MDGA2: variants seen among roughly 807,000 people sequenced by gnomAD.
The protein encoded by MDGA2 is MAM domain containing glycosylphosphatidylinositol anchor 2, also known as MAM domain-containing glycosylphosphatidylinositol anchor protein 2.
Under a neutral mutation model 117.8 loss-of-function variants are expected in MDGA2, and 40 were observed. The ratio of observed to expected loss-of-function variants is 0.34; its 90% CI spans 0.26 to 0.44. The LOEUF (loss-of-function observed/expected upper bound fraction) is 0.44. Ranked by LOEUF, MDGA2 falls within the 20% of genes least tolerant of loss-of-function variation. The pLI is 1.00. For missense variants in MDGA2, 1,123 were observed against 1,250.6 expected (o/e 0.90, Z 1.54); for synonymous variants, 452 against 439.0 (o/e 1.03, Z -0.37).
At chr14:46,969,400 C>T (rs552577793) in intron 8 of MDGA2, among the ~76,000 whole-genome samples, 88 of 152,208 alleles carry the variant, frequency 5.8e-4, no homozygotes, top group African/African-American at 2.0e-3. Context: ...TCCACATCCT[C>T]TCCAGCACCT....
chr14:47,195,445 T>C (rs1050805439), intron 3 of MDGA2, among the ~76,000 whole-genome samples: 1 of 151,840 alleles, frequency 6.6e-6, no homozygotes, highest in Non-Finnish European at 1.5e-5. Flanking sequence ...CAATGCAGGG[T>C]GTATTGGATG....
intron 1 of MDGA2, among the ~76,000 whole-genome samples, chr14:47,578,301 A>G (rs995956321): frequency 6.6e-6 from 1 of 152,128 alleles, no homozygotes; most frequent in Admixed American, 6.6e-5. Context: ...TAGCTAATGC[A>G]TGTGGGGCCT....
In MDGA2 at chr14:47,675,182, G is replaced by A. The variant is rs967221872; in HGVS notation, c.-386C>T. Among the ~76,000 whole-genome samples the A allele has an allele frequency of 2.0e-5, 3 of 152,112 alleles. No homozygotes were observed. The highest frequency in any genetic ancestry group is 1.3e-4 in the Admixed American group (2 of 15,276). ...GAAGGTCCCCGGAGGGGCGTCAAGC[G>A]GCGACAGCGGCCCGCCCGCCCGCAG... On this transcript the variant is annotated 5_prime_UTR_variant, in exon 1 of 17. Coordinates refer to ENST00000399232, the MANE Select transcript of MDGA2 (RefSeq NM_001113498.3).
chr14:47,509,574 C>A (rs1240281192), intron 1 of MDGA2, among the ~76,000 whole-genome samples: 1 of 152,154 alleles, frequency 6.6e-6, no homozygotes, highest in East Asian at 1.9e-4. Context: ...GGGACCTAGA[C>A]AGAGAGCCAC....
chr14:47,173,996 T>C (rs1884312774), intron 3 of MDGA2, among the ~76,000 whole-genome samples: 1 of 152,130 alleles, frequency 6.6e-6, no homozygotes, highest in African/African-American at 2.4e-5. Flanking sequence ...TGGGTTGCAA[T>C]ACTAGTCTCT....
intron 1 of MDGA2, among the ~76,000 whole-genome samples, chr14:47,580,099 A>T (rs1212379425): frequency 1.3e-5 from 2 of 152,080 alleles, no homozygotes; most frequent in Admixed American, 6.6e-5. Context: ...AGCTCTATTG[A>T]ATACTCTCCA....
intron 1 of MDGA2, among the ~76,000 whole-genome samples, chr14:47,397,221 A>G (rs1892031829): frequency 6.6e-6 from 1 of 152,168 alleles, no homozygotes; most frequent in East Asian, 1.9e-4. Flanking sequence ...TGAGCAAACT[A>G]TTGCAAGGAC....
intron 8 of MDGA2, among the ~76,000 whole-genome samples, chr14:46,979,301 C>T (rs1258824038): frequency 6.6e-6 from 1 of 152,098 alleles, no homozygotes; most frequent in Non-Finnish European, 1.5e-5. Flanking sequence ...TATTCTCCTT[C>T]TCCTTAAGCC....
At chr14:46,975,439 GC>G (rs1313708188) in intron 8 of MDGA2, among the ~76,000 whole-genome samples, 2 of 152,060 alleles carry the variant, frequency 1.3e-5, no homozygotes, top group Non-Finnish European at 2.9e-5. Context: ...TGGGATCAAA[GC>G]AAGTATTCAT....
At chr14:46,963,852 G>A (rs548705724) in intron 8 of MDGA2, among the ~76,000 whole-genome samples, 46 of 152,150 alleles carry the variant, frequency 3.0e-4, no homozygotes, top group African/African-American at 1.0e-3. Context: ...ATTATAATTG[G>A]TGATATATCA....
intron 1 of MDGA2, among the ~76,000 whole-genome samples, chr14:47,651,214 GT>G (rs1191211620): frequency 6.1e-3 from 5 of 820 alleles, no homozygotes; most frequent in Admixed American, 0.036. Context: ...TGTGCATGTG[GT>G]GTGTGTGTGT....
At chr14:46,931,053 A>G (rs1045592364) in intron 9 of MDGA2, among the ~76,000 whole-genome samples, 3 of 151,892 alleles carry the variant, frequency 2.0e-5, no homozygotes, top group Non-Finnish European at 4.4e-5. Context: ...CGTCTCTACT[A>G]AAAATACAAA....
chr14:47,143,859 A>G (rs1218177108), intron 4 of MDGA2, among the ~76,000 whole-genome samples: 1 of 152,242 alleles, frequency 6.6e-6, no homozygotes, highest in Non-Finnish European at 1.5e-5. Context: ...TAGTAAGTTA[A>G]AAAATGTTTT....
chr14:47,615,782 T>G (rs1896938292), intron 1 of MDGA2, among the ~76,000 whole-genome samples: 1 of 152,158 alleles, frequency 6.6e-6, no homozygotes, highest in Non-Finnish European at 1.5e-5. Flanking sequence ...TCACCGTGAT[T>G]ATTAATAAAG....
At chr14:47,188,625 T>G (rs1169486021) in intron 3 of MDGA2, among the ~76,000 whole-genome samples, 2 of 152,342 alleles carry the variant, frequency 1.3e-5, no homozygotes, top group South Asian at 2.1e-4. Context: ...CATAAAATTT[T>G]GGGGTAATTT....
At chr14:47,637,783 G>A (rs949792571) in intron 1 of MDGA2, among the ~76,000 whole-genome samples, 4 of 152,286 alleles carry the variant, frequency 2.6e-5, no homozygotes, top group Admixed American at 1.3e-4. Context: ...TATGATATAC[G>A]TAATACTAAA....
intron 1 of MDGA2, among the ~76,000 whole-genome samples, chr14:47,632,622 C>A (rs1897260634): frequency 2.0e-5 from 3 of 152,136 alleles, no homozygotes. Context: ...CATTATTTTC[C>A]TTTATGGTCT....
At chr14:47,512,532 A>G (rs1894663424) in intron 1 of MDGA2, among the ~76,000 whole-genome samples, 1 of 152,136 alleles carries the variant, frequency 6.6e-6, no homozygotes, top group Non-Finnish European at 1.5e-5. Context: ...AATGCCAAAG[A>G]TTTGAATGAC....
intron 10 of MDGA2, among the ~76,000 whole-genome samples, chr14:46,897,867 C>A (rs1035229288): frequency 5.4e-4 from 82 of 151,824 alleles, no homozygotes; most frequent in African/African-American, 1.9e-3. Context: ...TAGTGACAAT[C>A]TTTATCTATT....
Sources: allele counts gnomAD v4.1 joint callset (sites outside exome capture counted in the v4.1 genomes callset), GRCh38; gene constraint gnomAD v4.1.1; transcripts MANE v1.5; gene names NCBI Gene and HGNC (gene_info 2026-07-23, HGNC 2026-07-21).